ZNF639: variants seen among roughly 807,000 people sequenced by gnomAD.
The protein encoded by ZNF639 is zinc finger amplified in esophageal squamous cell carcinomas 1.
A neutral mutation model predicts 39.8 loss-of-function variants in ZNF639; 20 were observed. The observed-to-expected ratio is 0.50, with a 90% CI of 0.35 to 0.73. The LOEUF (loss-of-function observed/expected upper bound fraction) is 0.73, where lower values mean the gene tolerates loss of function less well. Among genes scored for constraint, ZNF639 ranks in the 30% least tolerant of loss-of-function variants. ZNF639 has a pLI of 0.00. For missense variants in ZNF639, 477 were observed against 566.2 expected (o/e 0.84, Z 1.60); for synonymous variants, 176 against 189.8 (o/e 0.93, Z 0.60).
At position 179,323,283 on chromosome 3, in the gene ZNF639, G is replaced by C; in HGVS notation, c.-91G>C. ...TGGGCCGGCCGGGAGGGCCTCGGGG[G>C]ACTGACTGGTGAGTGTGAGGGAGGA... On this transcript the variant is annotated 5_prime_UTR_variant, in exon 1 of 6. Transcript: ENST00000496856. 1 of 985,288 alleles carries C rather than the reference G, an allele frequency of 1.0e-6. No homozygotes were observed. Among genetic ancestry groups the C allele is most frequent in the Non-Finnish European group, 1.2e-6 (1 of 829,946 alleles). 61.0% of individuals were successfully genotyped at this position (985,288 alleles called of 1,614,324 possible).
At position 179,335,644 on chromosome 3, in the gene ZNF639, A is replaced by G. The variant is rs1436557177; in HGVS notation, c.*1222A>G. 6.6e-6 allele frequency: 1 copy of G among 152,116 alleles called. No homozygotes were observed. Among genetic ancestry groups the G allele is most frequent in the Admixed American group, 6.6e-5 (1 of 15,264 alleles). 9.4% of individuals were successfully genotyped at this position (152,116 alleles called of 1,614,324 possible). On this transcript the variant is annotated 3_prime_UTR_variant, in exon 6 of 6. Coordinates refer to ENST00000496856, the MANE Select transcript of ZNF639 (RefSeq NM_001303426.2). ...AAGGCCAGACATTCAAAATGGAGTT[A>G]TTGGCAGTTGGTTCCTTCTGAGGGT...
rs202117838 is a variant in ZNF639, at chr3:179,333,722, A to G, written c.758A>G (p.Lys253Arg). 3.1e-6 allele frequency: 5 copies of G among 1,614,196 alleles called. No individual in the cohort carries two copies. The highest frequency in any genetic ancestry group is 1.7e-5 in the Admixed American group (1 of 60,024). Reference protein sequence around the residue: ...STNMLLIEHAKLHEEDPYICK... With the variant: ...STNMLLIEHARLHEEDPYICK... ...AATATGCTTCTGATAGAACATGCCA[A>G]ACTGCATGAAGAGGATCCCTACATT... The change falls in exon 6 of 6, where the codon AAA becomes AGA. Residue 253 changes from lysine to arginine, a missense_variant. Lys to Arg is a conservative substitution (Grantham distance 26). Coordinates refer to ENST00000496856, the MANE Select transcript of ZNF639 (RefSeq NM_001303426.2).
upstream of ZNF639, chr3:179,322,907 G>T: frequency 1.5e-5 from 15 of 984,924 alleles, no homozygotes; most frequent in East Asian, 1.1e-4. Context: ...GGCGCGGGCC[G>T]CTGGGCCTCC....
In ZNF639 at chr3:179,333,307, G is replaced by A; in HGVS notation, c.343G>A (p.Asp115Asn). 6.2e-7 allele frequency: 1 copy of A among 1,612,400 alleles called. No individual in the cohort carries two copies. Among genetic ancestry groups the A allele is most frequent in the Non-Finnish European group, 8.5e-7 (1 of 1,179,364 alleles). ...TATTGTAATTTGTGATGAAGAGTGT[G>A]ACTCACCTGAATCAGTCAACCAGCA... ...ADIVICDEEC[D>N]SPESVNQQTQ... The change falls in exon 6 of 6, where the codon GAC becomes AAC. Residue 115 changes from aspartate (D) to asparagine (N), a missense_variant. Physicochemically the swap from Asp to Asn is conservative, Grantham distance 23. Transcript: ENST00000496856.
At chr3:179,329,043 T>C (rs1191347908) in intron 3 of ZNF639, among the ~76,000 whole-genome samples, 3 of 152,208 alleles carry the variant, frequency 2.0e-5, no homozygotes, top group Non-Finnish European at 4.4e-5. Flanking sequence ...TCTGCTGTGT[T>C]GGCAGTATAA....
At chr3:179,331,775 C>CAAAAAAAAAAAAAAAAAAAAAAAAA (rs56708873) in intron 4 of ZNF639, among the ~76,000 whole-genome samples, 2 of 80,586 alleles carry the variant, frequency 2.5e-5, no homozygotes, top group Non-Finnish European at 4.9e-5. Flanking sequence ...AACTCCATCT[C>CAAAAAAAAAAAAAAAAAAAAAAAAA]AAAAAAAAAA....
At position 179,334,384 on chromosome 3, in the gene ZNF639, G is replaced by A; in HGVS notation, c.1420G>A (p.Glu474Lys). ...CTTGATGAGGTTTGGAAATGAAAGG[G>A]AATTAATAAGTCACCTTCCAGTCCA... Reference protein sequence around the residue: ...DCLMRFGNERELISHLPVHET... With the variant: ...DCLMRFGNERKLISHLPVHET... Residue 474 changes from glutamate (E) to lysine (K), a missense_variant, in exon 6 of 6, where the codon GAA (glutamate) becomes AAA (lysine). Coordinates refer to ENST00000496856, the MANE Select transcript of ZNF639 (RefSeq NM_001303426.2). 1.3e-6 allele frequency: 2 copies of A among 1,575,336 alleles called. No individual in the cohort carries two copies. Among genetic ancestry groups the A allele is most frequent in the Non-Finnish European group, 1.7e-6 (2 of 1,161,806 alleles).
At chr3:179,329,751 TA>T in intron 4 of ZNF639, 23 bp downstream of exon 4, 1 of 1,319,826 alleles carries the variant, frequency 7.6e-7, no homozygotes, top group Non-Finnish European at 1.1e-6. Context: ...TTTTCGAAAA[TA>T]TGTTTCTTTA....
chr3:179,334,050 A>G lies in ZNF639; in HGVS notation c.1086A>G (p.Leu362=). 1 of 1,613,866 alleles carries G rather than the reference A, an allele frequency of 6.2e-7. No homozygotes were observed. Among genetic ancestry groups the G allele is most frequent in the East Asian group, 2.2e-5 (1 of 44,872 alleles). Residue 362 remains leucine (L), a synonymous_variant, in exon 6 of 6, where the codon TTA becomes TTG. Transcript: ENST00000496856. Reference sequence around the variant, plus strand: ...GTGAACATGGACAGTATAGCCTCTTAAGCAAAATTACCTTTGACAAATGTA... The same window carrying G: ...GTGAACATGGACAGTATAGCCTCTTGAGCAAAATTACCTTTGACAAATGTA... ...NNGEHGQYSL[L]SKITFDKCKN... is the part of the protein sequence containing the mutation.
At chr3:179,329,196 C>G (rs899928569) in intron 3 of ZNF639, among the ~76,000 whole-genome samples, 10 of 152,196 alleles carry the variant, frequency 6.6e-5, no homozygotes, top group Non-Finnish European at 4.4e-5. Context: ...ACTGGCCCTT[C>G]CTAGACAACA....
At position 179,335,751 on chromosome 3, in the gene ZNF639, C is replaced by T. The variant is rs1295406567; in HGVS notation, c.*1329C>T. 6.7e-6 allele frequency: 1 copy of T among 148,406 alleles called. No homozygotes were observed. Among genetic ancestry groups the T allele is most frequent in the East Asian group, 2.0e-4 (1 of 5,030 alleles). The allele number at this position is 148,406 out of a possible 1,614,324, so 9.2% of individuals were successfully genotyped here. ...GTTCACATGGTGTTCTCCCTGTGTG[C>T]AAGTCTGTCCCCCAAATTTCCTCTT... On this transcript the variant is annotated 3_prime_UTR_variant, in exon 6 of 6. Coordinates refer to ENST00000496856, the MANE Select transcript of ZNF639 (RefSeq NM_001303426.2).
At chr3:179,332,236 G>A (rs1727958382) in intron 4 of ZNF639, among the ~76,000 whole-genome samples, 1 of 152,232 alleles carries the variant, frequency 6.6e-6, no homozygotes, top group African/African-American at 2.4e-5. Context: ...TAGTAGTGGA[G>A]AAACTGGGAT....
chr3:179,323,790 C>T (rs1727421273), intron 1 of ZNF639: 1 of 152,380 alleles, frequency 6.6e-6, no homozygotes, highest in East Asian at 1.9e-4. Flanking sequence ...GGAGAGCAGG[C>T]GTCGATGCTG....
intron 4 of ZNF639, among the ~76,000 whole-genome samples, chr3:179,331,282 TTAAA>T (rs1294029688): frequency 8.5e-5 from 13 of 152,160 alleles, no homozygotes; most frequent in Non-Finnish European, 1.6e-4. Context: ...TTATAAATTA[TTAAA>T]TAGAGGAGAT....
In ZNF639 at chr3:179,334,573, C is replaced by T. The variant is rs528664265; in HGVS notation, c.*151C>T. The T allele has an allele frequency of 1.6e-5, 8 of 494,526 alleles. No homozygotes were observed. The East Asian group carries it at 2.4e-4, about 15-fold the overall frequency. The allele number at this position is 494,526 out of a possible 1,614,324, so 30.6% of individuals were successfully genotyped here. A position where few individuals can be genotyped will look rare whatever the true frequency, so the allele number is the denominator to read the frequency against. On this transcript the variant is annotated 3_prime_UTR_variant, in exon 6 of 6. Transcript: ENST00000496856. The stretch of plus-strand genomic sequence containing the variant: ...TTATAAAATTTTATTGGCATTGCTC[C>T]ATTTTCTGTATATAAATATATCTTT...
chr3:179,324,024 G>A (rs1225807110), intron 1 of ZNF639, among the ~76,000 whole-genome samples: 2 of 152,132 alleles, frequency 1.3e-5, no homozygotes, highest in African/African-American at 4.8e-5. Flanking sequence ...CCTCCACGTT[G>A]GACATGTAGT....
chr3:179,333,710 T>G lies in ZNF639; in HGVS notation c.746T>G (p.Ile249Arg), dbSNP rs1330762208. 1.2e-6 allele frequency: 2 copies of G among 1,614,094 alleles called. No individual in the cohort carries two copies. The highest frequency in any genetic ancestry group is 3.3e-5 in the Admixed American group (2 of 60,008). Residue 249 changes from isoleucine (I) to arginine (R), a missense_variant, in exon 6 of 6, where the codon ATA (isoleucine) becomes AGA (arginine). Coordinates refer to ENST00000496856, the MANE Select transcript of ZNF639 (RefSeq NM_001303426.2). ...AGTTTCTCTACCAATATGCTTCTGATAGAACATGCCAAACTGCATGAAGAG... is the reference window on the plus strand; with the variant it reads ...AGTTTCTCTACCAATATGCTTCTGAGAGAACATGCCAAACTGCATGAAGAG... ...KESFSTNMLL[I>R]EHAKLHEEDP...
intron 1 of ZNF639, among the ~76,000 whole-genome samples, chr3:179,325,798 A>G (rs550161454): frequency 6.6e-6 from 1 of 151,816 alleles, no homozygotes; most frequent in South Asian, 2.1e-4. Context: ...GGAGAATGGC[A>G]TGAACCCGGG....
chr3:179,333,241 C>T lies in ZNF639; in HGVS notation c.305-28C>T, dbSNP rs577963386. The T allele has an allele frequency of 2.1e-5, 33 of 1,575,160 alleles. No homozygotes were observed. The South Asian group carries it at 3.7e-4, about 18-fold the overall frequency. On this transcript the variant is annotated intron_variant, in intron 5 of 5. Coordinates refer to ENST00000496856, the MANE Select transcript of ZNF639 (RefSeq NM_001303426.2). ...TTAACAGATCTTATTTAGTTATAGT[C>T]ATATAATAGGTTTGTTTTATTCTTC...
Sources: gnomAD v4.1 joint callset for allele counts (sites outside exome capture counted in the v4.1 genomes callset) on GRCh38, gnomAD v4.1.1 for gene constraint, MANE v1.5 for transcripts, NCBI Gene and HGNC (gene_info 2026-07-23, HGNC 2026-07-21) for gene names.